The following STUM variants were observed in gnomAD, a reference collection of about 807,000 sequenced individuals.
STUM encodes the protein protein stum homolog.
A neutral mutation model predicts 15.3 loss-of-function variants in STUM; 8 were observed. That is an observed-to-expected ratio of 0.52 (90% confidence interval 0.31 to 0.94). STUM has a LOEUF of 0.94. Ranked by LOEUF, STUM falls within the 40% of genes least tolerant of loss-of-function variation. STUM has a pLI of 0.05. For synonymous variants in STUM, 78 were observed against 88.7 expected, an observed-to-expected ratio of 0.88 and a Z score of 0.68; for missense variants, 142 against 204.9, an observed-to-expected ratio of 0.69 and a Z score of 1.87.
rs780840915 is a variant in STUM, at chr1:226,548,875, C to A, written c.-30C>A. The A allele has an allele frequency of 7.5e-7, 1 of 1,330,494 alleles. No individual in the cohort carries two copies. Among genetic ancestry groups the A allele is most frequent in the Non-Finnish European group, 9.5e-7 (1 of 1,049,602 alleles). 82.4% of individuals were successfully genotyped at this position (1,330,494 alleles called of 1,614,324 possible). Reference sequence around the variant, plus strand: ...ACGCTGGGCGCCAGCTCCGGCCGTGCTGCCCGGCTGCCTGAGAGCGCGCCC... The same window carrying A: ...ACGCTGGGCGCCAGCTCCGGCCGTGATGCCCGGCTGCCTGAGAGCGCGCCC... On this transcript the variant is annotated 5_prime_UTR_variant, in exon 1 of 4. In the 5' UTR this introduces an upstream ATG that the reference lacks. Transcript: ENST00000366788.
intron 1 of STUM, among the ~76,000 whole-genome samples, chr1:226,561,830 G>T (rs901763499): frequency 6.6e-6 from 1 of 152,204 alleles, no homozygotes; most frequent in African/African-American, 2.4e-5. Flanking sequence ...CAGGGAACAT[G>T]AGAGAGTGCA....
At chr1:226,590,810 C>G (rs1668072419) in intron 1 of STUM, among the ~76,000 whole-genome samples, 2 of 152,230 alleles carry the variant, frequency 1.3e-5, no homozygotes. Context: ...TTTTCCCCTC[C>G]TCCTTCCCTC....
In STUM at chr1:226,606,343, C is replaced by T. The variant is rs1668357098; in HGVS notation, c.*4303C>T. On this transcript the variant is annotated 3_prime_UTR_variant, in exon 4 of 4. Transcript: ENST00000366788. The stretch of plus-strand genomic sequence containing the variant: ...AGATGCCTGCAATTCTGAGAATTCA[C>T]TTCAGTTTTGCCAGATCCAACCCCT... The T allele has an allele frequency of 1.3e-5, 2 of 152,258 alleles. No individual in the cohort carries two copies. The highest frequency in any genetic ancestry group is 6.5e-5 in the Admixed American group (1 of 15,282). The allele number at this position is 152,258 out of a possible 1,614,324, so 9.4% of individuals were successfully genotyped here. A position where few individuals can be genotyped will look rare whatever the true frequency, so the allele number is the denominator to read the frequency against.
At chr1:226,599,725 A>AAAC (rs1668236761) in intron 2 of STUM, among the ~76,000 whole-genome samples, 1 of 152,354 alleles carries the variant, frequency 6.6e-6, no homozygotes, top group Admixed American at 6.5e-5. Flanking sequence ...AACAAATAAC[A>AAAC]AACAACAACA....
intron 1 of STUM, among the ~76,000 whole-genome samples, chr1:226,586,453 G>T (rs1182594267): frequency 6.6e-6 from 1 of 152,194 alleles, no homozygotes; most frequent in Non-Finnish European, 1.5e-5. Flanking sequence ...TGTTATTTGG[G>T]CAATCAGATG....
chr1:226,577,639 C>T (rs1326911643), intron 1 of STUM, among the ~76,000 whole-genome samples: 3 of 152,176 alleles, frequency 2.0e-5, no homozygotes, highest in South Asian at 2.1e-4. Context: ...GAGAGCCCCT[C>T]GGGCCCCAGG....
At chr1:226,592,204 C>T (rs1314922371) in intron 1 of STUM, among the ~76,000 whole-genome samples, 1 of 152,186 alleles carries the variant, frequency 6.6e-6, no homozygotes. Flanking sequence ...TGCACCACCA[C>T]ACCCAGCTAA....
intron 1 of STUM, among the ~76,000 whole-genome samples, chr1:226,556,659 A>G (rs1667451241): frequency 6.6e-6 from 1 of 152,198 alleles, no homozygotes; most frequent in Non-Finnish European, 1.5e-5. Flanking sequence ...CCTCAGTAGC[A>G]TGGAACCTTG....
At chr1:226,586,595 T>C (rs1044903591) in intron 1 of STUM, among the ~76,000 whole-genome samples, 9 of 152,268 alleles carry the variant, frequency 5.9e-5, no homozygotes, top group African/African-American at 2.2e-4. Flanking sequence ...GAGCTCCTTT[T>C]GGGTCTCATC....
chr1:226,592,635 C>T (rs544576200), intron 1 of STUM, among the ~76,000 whole-genome samples: 3 of 152,236 alleles, frequency 2.0e-5, no homozygotes, highest in Non-Finnish European at 4.4e-5. Context: ...ATTTTCCACA[C>T]ATATTCTTAT....
At position 226,606,189 on chromosome 1, in the gene STUM, C is replaced by G. The variant is rs1668354079; in HGVS notation, c.*4149C>G. The G allele has an allele frequency of 1.0e-5, 1 of 97,840 alleles. No individual in the cohort carries two copies. Among genetic ancestry groups the G allele is most frequent in the Non-Finnish European group, 2.1e-5 (1 of 47,822 alleles). The allele number at this position is 97,840 out of a possible 1,614,324, so 6.1% of individuals were successfully genotyped here. Reference sequence around the variant, plus strand: ...CCGGGTCAAAGGCCTTCCGAAGGCCCGAGGTTCTTGAGGAGGGGAAGCTGA... The same window carrying G: ...CCGGGTCAAAGGCCTTCCGAAGGCCGGAGGTTCTTGAGGAGGGGAAGCTGA... On this transcript the variant is annotated 3_prime_UTR_variant, in exon 4 of 4. Coordinates refer to ENST00000366788, the MANE Select transcript of STUM (RefSeq NM_001003665.4).
At position 226,567,266 on chromosome 1, in the gene STUM, C is replaced by T. The variant is rs1355114860; in HGVS notation, c.202+18160C>T. Among the ~76,000 whole-genome samples, 1 of 152,188 alleles carries T rather than the reference C, an allele frequency of 6.6e-6. No homozygotes were observed. Among genetic ancestry groups the T allele is most frequent in the Non-Finnish European group, 1.5e-5 (1 of 68,034 alleles). ...GAAGACTGTCCGTCCTGGAGCTATC[C>T]AACGGGTGGTGACGGCCCCGCGGGC... On this transcript the variant is annotated intron_variant, in intron 1 of 3. Coordinates refer to ENST00000366788, the MANE Select transcript of STUM (RefSeq NM_001003665.4). The surrounding 1 kb of genome is among the most constrained non-coding windows in gnomAD (Gnocchi z 4.5).
Position 226,565,679 on chromosome 1 carries a change from C to T in STUM, c.202+16573C>T, listed in dbSNP as rs556218095. On this transcript the variant is annotated intron_variant, in intron 1 of 3. Coordinates refer to ENST00000366788, the MANE Select transcript of STUM (RefSeq NM_001003665.4). The surrounding 1 kb of genome is among the most constrained non-coding windows in gnomAD (Gnocchi z 4.4). ...GAAGGTGCTAGGCGTGACTCCCTGC[C>T]CGGCTCCTGCCTGGGTAGTTCTGCA... is the stretch of plus-strand genomic sequence containing the variant. 3.3e-5 allele frequency among the ~76,000 whole-genome samples: 5 copies of T among 152,106 alleles called. No homozygotes were observed. Among genetic ancestry groups the T allele is most frequent in the South Asian group, 2.1e-4 (1 of 4,826 alleles).
At chr1:226,561,860 A>G (rs1024954778) in intron 1 of STUM, among the ~76,000 whole-genome samples, 1 of 152,188 alleles carries the variant, frequency 6.6e-6, no homozygotes, top group African/African-American at 2.4e-5. Context: ...TAGCATCTTG[A>G]CTGAGTGAAC....
chr1:226,593,820 T>C (rs2088859935), intron 1 of STUM, among the ~76,000 whole-genome samples: 1 of 152,174 alleles, frequency 6.6e-6, no homozygotes, highest in Admixed American at 6.5e-5. Context: ...ATCATTCCTA[T>C]TCCTTGGAGG....
At position 226,596,562 on chromosome 1, in the gene STUM, G is replaced by A. The variant is rs116436747; in HGVS notation, c.203-240G>A. Among the ~76,000 whole-genome samples the A allele has an allele frequency of 1.0e-2, 1,522 of 152,308 alleles. 32 individuals are homozygous for A. Among genetic ancestry groups the A allele is most frequent in the African/African-American group, 0.035 (1,474 of 41,558 alleles). ...CCCCAGAGGTTCCAAGACTGTATGG[G>A]GCCCCTGGCAGCCCCGTGCAATACC... On this transcript the variant is annotated intron_variant, in intron 1 of 3. Coordinates refer to ENST00000366788, the MANE Select transcript of STUM (RefSeq NM_001003665.4).
At chr1:226,598,786 C>T (rs577755189) in intron 2 of STUM, among the ~76,000 whole-genome samples, 2 of 152,296 alleles carry the variant, frequency 1.3e-5, no homozygotes, top group South Asian at 2.1e-4. Flanking sequence ...AGCGTCAGCC[C>T]CTTGGTTGTC....
At position 226,607,959 on chromosome 1, in the gene STUM, C is replaced by A. The variant is rs895116937; in HGVS notation, c.*5919C>A. 6.6e-6 allele frequency: 1 copy of A among 152,382 alleles called. No homozygotes were observed. The highest frequency in any genetic ancestry group is 1.5e-5 in the Non-Finnish European group (1 of 68,156). 9.4% of individuals were successfully genotyped at this position (152,382 alleles called of 1,614,324 possible). A position where few individuals can be genotyped will look rare whatever the true frequency, so the allele number is the denominator to read the frequency against. On this transcript the variant is annotated 3_prime_UTR_variant, in exon 4 of 4. Coordinates refer to ENST00000366788, the MANE Select transcript of STUM (RefSeq NM_001003665.4). ...GGACTTATCTCCAAAGGAGCCCACA[C>A]CCCCTCTTCCAGGATGGGCACTGGC...
intron 1 of STUM, among the ~76,000 whole-genome samples, chr1:226,580,510 C>A (rs536106396): frequency 1.3e-5 from 2 of 151,962 alleles, no homozygotes; most frequent in African/African-American, 4.8e-5. Flanking sequence ...AGGGGGAGGG[C>A]AGAGGGGGAC....
Sources: gnomAD v4.1 joint callset for allele counts (sites outside exome capture counted in the v4.1 genomes callset) on GRCh38, gnomAD v4.1.1 for gene constraint, Gnocchi (gnomAD v3.1) non-coding constraint, MANE v1.5 for transcripts, NCBI Gene and HGNC (gene_info 2026-07-23, HGNC 2026-07-21) for gene names.